Variants in THSD1 observed in about 807,000 individuals in gnomAD.
THSD1 encodes the protein thrombospondin type 1 domain containing 1.
In THSD1, 34 loss-of-function variants were observed where a neutral mutation model predicts 46.3. The observed-to-expected ratio is 0.74, with a 90% CI of 0.56 to 0.98. THSD1 has a LOEUF of 0.98. THSD1 is among the 50% of genes least tolerant of loss of function. The probability of loss-of-function intolerance (pLI) is 0.00; values close to 1 mark genes in which losing one functional copy is unlikely to be tolerated. For missense variants in THSD1, 1,023 were observed against 1,058.3 expected (o/e 0.97, Z 0.46); for synonymous variants, 407 against 416.5 (o/e 0.98, Z 0.28).
At chr13:52,390,772 G>T (rs995920835) in intron 3 of THSD1, among the ~76,000 whole-genome samples, 4 of 151,978 alleles carry the variant, frequency 2.6e-5, no homozygotes, top group Non-Finnish European at 4.4e-5. Context: ...TCATATTTAG[G>T]ACCACAAAAG....
At position 52,378,424 on chromosome 13, in the gene THSD1, A is replaced by G. The variant is rs775577995; in HGVS notation, c.1546T>C (p.Phe516Leu). ...ATTATCTTCTGGGCGTTGGACTGGA[A>G]GCTCTCGCTGCCAGAGGCATCATCC... ...PEDDASGSES[F>L]QSNAQKIIPP... is the part of the protein sequence containing the mutation. Residue 516 changes from phenylalanine (F) to leucine (L), a missense_variant, in exon 5 of 5, where the codon TTC becomes CTC. Physicochemically the swap from Phe to Leu is conservative, Grantham distance 22 (BLOSUM62 0). Transcript: ENST00000258613. 1 of 1,614,008 alleles carries G rather than the reference A, an allele frequency of 6.2e-7. No individual in the cohort carries two copies. Among genetic ancestry groups the G allele is most frequent in the Non-Finnish European group, 8.5e-7 (1 of 1,180,010 alleles).
intron 4 of THSD1, among the ~76,000 whole-genome samples, chr13:52,379,390 AG>A (rs1270827661): frequency 2.0e-5 from 3 of 152,226 alleles, no homozygotes; most frequent in African/African-American, 4.8e-5. Flanking sequence ...GCCATAATCA[AG>A]GTGACTCCCA....
chr13:52,381,777 T>C (rs1169322816), intron 4 of THSD1, among the ~76,000 whole-genome samples: 2 of 152,084 alleles, frequency 1.3e-5, no homozygotes, highest in Non-Finnish European at 2.9e-5. Flanking sequence ...CTTTGCACTT[T>C]AAAAGGACCC....
chr13:52,377,637 A>G lies in THSD1; in HGVS notation c.2333T>C (p.Ile778Thr), dbSNP rs372943732. 48 of 1,610,450 alleles carry G rather than the reference A, an allele frequency of 3.0e-5. No homozygotes were observed. The Middle Eastern group carries it at 8.2e-4, about 28-fold the overall frequency. ...KSVSRKQSSP[I>T]SPKDNYQRVS... ...CCTCTGGTAGTTATCTTTGGGGGAT[A>G]TGGGAGAAGACTGCTTCCTTGAGAC... The change falls in exon 5 of 5, where the codon ATA becomes ACA. Residue 778 changes from isoleucine to threonine, a missense_variant. Physicochemically the swap from Ile to Thr is moderately conservative, Grantham distance 89. Around this residue, in one of 3 missense-constraint regions of THSD1, gnomAD observed 578 missense variants for 497.4 expected, o/e 1.16. Transcript: ENST00000258613.
At position 52,386,016 on chromosome 13, in the gene THSD1, A is replaced by G; in HGVS notation, c.1180+12T>C. On this transcript the variant is annotated intron_variant, in intron 4 of 4. Coordinates refer to ENST00000258613, the MANE Select transcript of THSD1 (RefSeq NM_018676.4). ...CTGAGGAGAGACTCCCGAAGGAAGC[A>G]AGAATACCTACCAGCACACTCCTCC... The G allele has an allele frequency of 6.2e-7, 1 of 1,612,818 alleles. No homozygotes were observed. Among genetic ancestry groups the G allele is most frequent in the Non-Finnish European group, 8.5e-7 (1 of 1,179,400 alleles).
At chr13:52,393,824 G>A (rs1483187920) in intron 3 of THSD1, among the ~76,000 whole-genome samples, 51 of 152,182 alleles carry the variant, frequency 3.4e-4, no homozygotes, top group Non-Finnish European at 5.9e-5. Context: ...AAAATAAAAG[G>A]AGAACCCAGT....
chr13:52,380,322 A>G (rs1010497717), intron 4 of THSD1, among the ~76,000 whole-genome samples: 3 of 108,302 alleles, frequency 2.8e-5, no homozygotes, highest in Non-Finnish European at 7.0e-5. Context: ...CATCTTCTCC[A>G]CCCGTCCTCC....
chr13:52,378,775 T>A lies in THSD1; in HGVS notation c.1195A>T (p.Ser399Cys). ...LEECAAFQPS[S>C]PSPLQPQGPV... Reference sequence around the variant, plus strand: ...CCCTGGGGCTGAAGAGGAGATGGGCTGGATGGCTGGAAAGCTGCAAAAAAA... The same window carrying A: ...CCCTGGGGCTGAAGAGGAGATGGGCAGGATGGCTGGAAAGCTGCAAAAAAA... The change falls in exon 5 of 5, where the codon AGC becomes TGC. Residue 399 changes from serine (S) to cysteine (C), a missense_variant. This residue lies in a region of THSD1 where 429 missense variants were observed against 518.3 expected (regional missense o/e 0.83). Transcript: ENST00000258613. 1 of 1,581,568 alleles carries A rather than the reference T, an allele frequency of 6.3e-7. No individual in the cohort carries two copies. The highest frequency in any genetic ancestry group is 8.6e-7 in the Non-Finnish European group (1 of 1,167,500).
chr13:52,377,864 G>A lies in THSD1; in HGVS notation c.2106C>T (p.Ala702=), dbSNP rs1321983005. Reference sequence around the variant, plus strand: ...GCTCCAGTTTTTCAGGAAACAGGTGGGCACCTCGACTCTGAGGCCTAAATC... The same window carrying A: ...GCTCCAGTTTTTCAGGAAACAGGTGAGCACCTCGACTCTGAGGCCTAAATC... ...EDRFRPQSRG[A]HLFPEKLEHF... is the part of the protein sequence containing the mutation. Residue 702 remains alanine, a synonymous_variant, in exon 5 of 5, where the codon GCC becomes GCT. Transcript: ENST00000258613. 3 of 1,614,064 alleles carry A rather than the reference G, an allele frequency of 1.9e-6. No individual in the cohort carries two copies. The African/African-American group carries it at 4.0e-5, about 22-fold the overall frequency.
chr13:52,396,320 G>A lies in THSD1; in HGVS notation c.1021+912C>T, dbSNP rs367643194. Among the ~76,000 whole-genome samples, 10 of 152,190 alleles carry A rather than the reference G, an allele frequency of 6.6e-5. No individual in the cohort carries two copies. In the East Asian group the frequency reaches 1.7e-3, roughly 26 times the overall value. On this transcript the variant is annotated intron_variant, in intron 3 of 4. Coordinates refer to ENST00000258613, the MANE Select transcript of THSD1 (RefSeq NM_018676.4). ...ATGTGGATCACAAGGTCAGGAGATC[G>A]AGACCATCCTGGCTAACACAGTGAA...
At chr13:52,389,635 G>C (rs1053778621) in intron 3 of THSD1, among the ~76,000 whole-genome samples, 19 of 151,882 alleles carry the variant, frequency 1.3e-4, no homozygotes, top group African/African-American at 4.6e-4. Flanking sequence ...GCAGAACCAG[G>C]GATATTACCA....
chr13:52,390,176 C>CT (rs935429403), intron 3 of THSD1, among the ~76,000 whole-genome samples: 17 of 151,868 alleles, frequency 1.1e-4, no homozygotes, highest in African/African-American at 3.6e-4. Flanking sequence ...ATAATTCTGT[C>CT]TATCAGTACC....
At chr13:52,387,473 G>A (rs1957741254) in intron 3 of THSD1, among the ~76,000 whole-genome samples, 1 of 152,104 alleles carries the variant, frequency 6.6e-6, no homozygotes, top group South Asian at 2.1e-4. Flanking sequence ...AAACTATTAA[G>A]AGACAAAGTA....
rs1194697221 is a variant in THSD1 at position 52,385,041 on chromosome 13, AAGGCCAC to A, written c.1180+980_1180+986del. On this transcript the variant is annotated intron_variant, in intron 4 of 4. Transcript: ENST00000258613. ...AATGATATAGCAAAAAGGATTTTCTAAGGCCACAGGTGGGGACACTGGCTGAGATGTT... is the reference window on the plus strand; with the variant it reads ...AATGATATAGCAAAAAGGATTTTCTAAGGTGGGGACACTGGCTGAGATGTT... Among the ~76,000 whole-genome samples, 10 of 152,304 alleles carry A rather than the reference AAGGCCAC, an allele frequency of 6.6e-5. No individual in the cohort carries two copies. In the East Asian group the frequency reaches 1.9e-3, roughly 29 times the overall value.
intron 2 of THSD1, among the ~76,000 whole-genome samples, chr13:52,400,789 A>G (rs1024712554): frequency 6.6e-6 from 1 of 152,106 alleles, no homozygotes; most frequent in South Asian, 2.1e-4. Flanking sequence ...CTCTTTTTTT[A>G]TGCTCATTCA....
At position 52,378,103 on chromosome 13, in the gene THSD1, T is replaced by G. The variant is rs772027640; in HGVS notation, c.1867A>C (p.Thr623Pro). ...CTTGCCTGTGACTTGCGGATCAGAGTCTGGCTGGGGCTTATGGCACAACTG... is the reference window on the plus strand; with the variant it reads ...CTTGCCTGTGACTTGCGGATCAGAGGCTGGCTGGGGCTTATGGCACAACTG... ...QASCAISPSQTLIRKSQARHV... is the reference protein window; with the variant it reads ...QASCAISPSQPLIRKSQARHV... The change falls in exon 5 of 5, where the codon ACT (threonine) becomes CCT (proline). Residue 623 changes from threonine (T) to proline (P), a missense_variant. Coordinates refer to ENST00000258613, the MANE Select transcript of THSD1 (RefSeq NM_018676.4). The G allele has an allele frequency of 3.1e-6, 5 of 1,613,958 alleles. No individual in the cohort carries two copies. Among genetic ancestry groups the G allele is most frequent in the Non-Finnish European group, 4.2e-6 (5 of 1,180,020 alleles).
chr13:52,386,893 C>A (rs555797245), intron 3 of THSD1, among the ~76,000 whole-genome samples: 2 of 152,312 alleles, frequency 1.3e-5, no homozygotes, highest in South Asian at 4.1e-4. Context: ...GAAACTCCTT[C>A]ACCCTTGGGG....
chr13:52,392,190 C>CAAAATAAA (rs1957778472), intron 3 of THSD1, among the ~76,000 whole-genome samples: 1 of 69,752 alleles, frequency 1.4e-5, no homozygotes, highest in Non-Finnish European at 2.6e-5. Flanking sequence ...AGACTCCTCT[C>CAAAATAAA]AAAAAAAAAA....
chr13:52,397,500 T>C lies in THSD1; in HGVS notation c.753A>G (p.Thr251=). 1.2e-6 allele frequency: 2 copies of C among 1,614,082 alleles called. No individual in the cohort carries two copies. Among genetic ancestry groups the C allele is most frequent in the Non-Finnish European group, 1.7e-6 (2 of 1,180,014 alleles). Residue 251 remains threonine, a synonymous_variant, in exon 3 of 5, where the codon ACA becomes ACG. Coordinates refer to ENST00000258613, the MANE Select transcript of THSD1 (RefSeq NM_018676.4). The part of the protein sequence containing the change: ...GYKLVMVPEL[T]CESGVEVTVL... Reference sequence around the variant, plus strand: ...CTGTCACCTCTACCCCGGACTCACATGTGAGTTCTGGCACCATCACCAGTT... The same window carrying C: ...CTGTCACCTCTACCCCGGACTCACACGTGAGTTCTGGCACCATCACCAGTT...
Sources: allele counts gnomAD v4.1 joint callset (sites outside exome capture counted in the v4.1 genomes callset), GRCh38; gene constraint gnomAD v4.1.1; regional missense constraint gnomAD v4.1.1; transcripts MANE v1.5; gene names NCBI Gene and HGNC (gene_info 2026-07-23, HGNC 2026-07-21).